INPP5A: variants seen among roughly 807,000 people sequenced by gnomAD.
INPP5A encodes the protein 43 kDa inositol polyphosphate 5-phophatase.
A neutral mutation model predicts 65.2 loss-of-function variants in INPP5A; 14 were observed. The observed-to-expected ratio is 0.21, with a 90% CI of 0.14 to 0.34. The LOEUF is 0.34. Among genes scored for constraint, INPP5A ranks in the 10% least tolerant of loss-of-function variants. The probability of loss-of-function intolerance (pLI) is 1.00; values close to 1 mark genes in which losing one functional copy is unlikely to be tolerated. For synonymous variants in INPP5A, 207 were observed against 208.3 expected (o/e 0.99, Z 0.05); for missense variants, 431 against 545.6 (o/e 0.79, Z 2.09).
intron 1 of INPP5A, among the ~76,000 whole-genome samples, chr10:132,557,914 T>C (rs945563303): frequency 7.9e-5 from 12 of 152,312 alleles, no homozygotes; most frequent in Middle Eastern, 3.4e-3. Context: ...TGAGGCCCTG[T>C]GCTCCCTCAG....
At chr10:132,645,649 G>T (rs1424136312) in intron 2 of INPP5A, among the ~76,000 whole-genome samples, 1 of 152,200 alleles carries the variant, frequency 6.6e-6, no homozygotes, top group African/African-American at 2.4e-5. Flanking sequence ...GGAATTTACA[G>T]TAATGGGAAA....
At position 132,782,052 on chromosome 10, in the gene INPP5A, G is replaced by A. The variant is rs752051973; in HGVS notation, c.*23G>A. 9.5e-6 allele frequency: 15 copies of A among 1,573,066 alleles called. No homozygotes were observed. Among genetic ancestry groups the A allele is most frequent in the Admixed American group, 9.1e-5 (5 of 54,718 alleles). On this transcript the variant is annotated 3_prime_UTR_variant, in exon 16 of 16. Transcript: ENST00000368594. The surrounding 1 kb of genome is among the most constrained non-coding windows in gnomAD (Gnocchi z 4.4). ...TCCGTGACAGGGAAGAGATGCCAGC[G>A]CCACGAGAGGACACTTCGTGAGCCT...
chr10:132,588,873 G>A (rs1240280339), intron 1 of INPP5A, among the ~76,000 whole-genome samples: 1 of 149,880 alleles, frequency 6.7e-6, no homozygotes, highest in Non-Finnish European at 1.5e-5. Flanking sequence ...TTCTGTGTGT[G>A]TTGTCATGGT....
chr10:132,748,680 GA>G (rs1846416235), intron 9 of INPP5A, among the ~76,000 whole-genome samples: 1 of 152,362 alleles, frequency 6.6e-6, no homozygotes, highest in East Asian at 1.9e-4. Flanking sequence ...CGCCAGCCAG[GA>G]CCGTGCCTCC....
At chr10:132,736,811 G>GC (rs1160165315) in intron 9 of INPP5A, among the ~76,000 whole-genome samples, 1 of 152,228 alleles carries the variant, frequency 6.6e-6, no homozygotes, top group Non-Finnish European at 1.5e-5. Context: ...CCTGGTCATG[G>GC]CCCCCCACAG....
At chr10:132,632,668 G>A (rs1590881923) in intron 2 of INPP5A, among the ~76,000 whole-genome samples, 1 of 152,170 alleles carries the variant, frequency 6.6e-6, no homozygotes, top group Non-Finnish European at 1.5e-5. Flanking sequence ...TTGGGAGCCA[G>A]GTGTGAAATG....
rs546152283 is a variant in INPP5A, at chr10:132,688,693, A to ATG, written c.307-1692_307-1691dup. 1.1e-3 allele frequency among the ~76,000 whole-genome samples: 163 copies of ATG among 150,424 alleles called. 5 individuals carry two copies. In the East Asian group the frequency reaches 0.029, roughly 26 times the overall value. ...CAAGTGTGTGCGTGTGCATGAGTGC[A>ATG]TGTGTGTGCAAGTGTGAACAAGTGC... On this transcript the variant is annotated intron_variant, in intron 4 of 15. Transcript: ENST00000368594.
chr10:132,759,268 G>T (rs1199898433), intron 11 of INPP5A, among the ~76,000 whole-genome samples: 1 of 152,132 alleles, frequency 6.6e-6, no homozygotes, highest in East Asian at 1.9e-4. Flanking sequence ...GAAGACCCCC[G>T]GGGTAGTGAG....
In INPP5A at chr10:132,690,398, G is replaced by A; in HGVS notation, c.313G>A (p.Gly105Arg). 6.2e-7 allele frequency: 1 copy of A among 1,606,366 alleles called. No individual in the cohort carries two copies. The highest frequency in any genetic ancestry group is 8.5e-7 in the Non-Finnish European group (1 of 1,173,386). The change falls in exon 5 of 16, where the codon GGA becomes AGA. Residue 105 changes from glycine to arginine, a missense_variant. Physicochemically the swap from Gly to Arg is moderately radical, Grantham distance 125. Transcript: ENST00000368594. ...TTCTCTTTTTGCTCTACAGGCACTAGGAAGCTTTTATTTTCTTCATGAGTC... is the reference window on the plus strand; with the variant it reads ...TTCTCTTTTTGCTCTACAGGCACTAAGAAGCTTTTATTTTCTTCATGAGTC... ...YKSQEHFTALGSFYFLHESLK... is the reference protein window; with the variant it reads ...YKSQEHFTALRSFYFLHESLK...
Position 132,698,701 on chromosome 10 carries a change from G to A in INPP5A, c.474+782G>A, listed in dbSNP as rs1018362659. Among the ~76,000 whole-genome samples, 3 of 152,172 alleles carry A rather than the reference G, an allele frequency of 2.0e-5. No homozygotes were observed. Among genetic ancestry groups the A allele is most frequent in the African/African-American group, 7.2e-5 (3 of 41,436 alleles). On this transcript the variant is annotated intron_variant, in intron 6 of 15. Coordinates refer to ENST00000368594, the MANE Select transcript of INPP5A (RefSeq NM_005539.5). This position sits in a 1 kb window ranked among gnomAD's most constrained non-coding sequence, Gnocchi z 5.5. Reference sequence around the variant, plus strand: ...CCAGAAGCAGCCCAGGCACTGAGACGGAAGAGCTGGCAGCTGGACGCAGGT... The same window carrying A: ...CCAGAAGCAGCCCAGGCACTGAGACAGAAGAGCTGGCAGCTGGACGCAGGT...
intron 1 of INPP5A, among the ~76,000 whole-genome samples, chr10:132,542,620 C>T (rs2070921323): frequency 6.6e-6 from 1 of 152,018 alleles, no homozygotes; most frequent in South Asian, 2.1e-4. Flanking sequence ...CTTCTCCAGG[C>T]CTCTGCCCCA....
chr10:132,700,336 G>A (rs1845417157), intron 6 of INPP5A, among the ~76,000 whole-genome samples: 1 of 152,192 alleles, frequency 6.6e-6, no homozygotes, highest in African/African-American at 2.4e-5. Context: ...GGGACGGGGG[G>A]CCAGCCCCTG....
intron 8 of INPP5A, among the ~76,000 whole-genome samples, chr10:132,723,547 G>A (rs1001563621): frequency 6.8e-6 from 1 of 147,844 alleles, no homozygotes; most frequent in Non-Finnish European, 1.5e-5. Context: ...TGGCCGTGTG[G>A]GGATTGGCCG....
At chr10:132,723,308 G>A (rs750676346) in intron 8 of INPP5A, among the ~76,000 whole-genome samples, 1 of 152,260 alleles carries the variant, frequency 6.6e-6, no homozygotes, top group African/African-American at 2.4e-5. Context: ...AGGGCCAGCC[G>A]GGAGGCCGCA....
At chr10:132,691,123 C>G (rs1273028773) in intron 5 of INPP5A, among the ~76,000 whole-genome samples, 1 of 152,232 alleles carries the variant, frequency 6.6e-6, no homozygotes, top group Non-Finnish European at 1.5e-5. Flanking sequence ...CAAACGATGT[C>G]GTTTCGTTCG....
chr10:132,635,996 A>T (rs1289373268), intron 2 of INPP5A, among the ~76,000 whole-genome samples: 1 of 151,892 alleles, frequency 6.6e-6, no homozygotes, highest in Admixed American at 6.6e-5. Flanking sequence ...AAAAAAAAAA[A>T]AAAAAGGCAT....
chr10:132,704,936 C>G lies in INPP5A; in HGVS notation c.475-3377C>G, dbSNP rs1845510370. Among the ~76,000 whole-genome samples, 1 of 144,338 alleles carries G rather than the reference C, an allele frequency of 6.9e-6. No individual in the cohort carries two copies. Among genetic ancestry groups the G allele is most frequent in the Non-Finnish European group, 1.5e-5 (1 of 65,752 alleles). 94.7% of individuals were successfully genotyped at this position (144,338 alleles called of 152,430 possible). A position where few individuals can be genotyped will look rare whatever the true frequency, so the allele number is the denominator to read the frequency against. ...TCTGGACAGGCGGCAGGCAGCTCCT[C>G]TGGAGTGTGGAGGATGGAGGAAGGG... On this transcript the variant is annotated intron_variant, in intron 6 of 15. Transcript: ENST00000368594. The surrounding 1 kb of genome is among the most constrained non-coding windows in gnomAD (Gnocchi z 4.5).
chr10:132,615,863 G>C lies in INPP5A; in HGVS notation c.117+7907G>C, dbSNP rs71503751. ...CTGGGAGGCCCCAGGCTGGGGCAAG[G>C]GGGTGTCTGCCGCTCTGGGCGGCTG... is the stretch of plus-strand genomic sequence containing the variant. On this transcript the variant is annotated intron_variant, in intron 2 of 15. Transcript: ENST00000368594. Among the ~76,000 whole-genome samples the C allele has an allele frequency of 5.3e-3, 807 of 152,156 alleles. 9 individuals carry two copies. Among genetic ancestry groups the C allele is most frequent in the African/African-American group, 0.017 (707 of 41,558 alleles).
chr10:132,782,028 C>T lies in INPP5A; in HGVS notation c.*8-9C>T, dbSNP rs1163063717. 1.2e-6 allele frequency: 2 copies of T among 1,603,118 alleles called. No homozygotes were observed. Among genetic ancestry groups the T allele is most frequent in the South Asian group, 1.1e-5 (1 of 90,004 alleles). On this transcript the variant is annotated splice_polypyrimidine_tract_variant and intron_variant, in intron 15 of 15. Coordinates refer to ENST00000368594, the MANE Select transcript of INPP5A (RefSeq NM_005539.5). The surrounding 1 kb of genome is among the most constrained non-coding windows in gnomAD (Gnocchi z 4.4). ...TTGTTCCTTTAACAAATTACGAATT[C>T]CGTGACAGGGAAGAGATGCCAGCGC... is the stretch of plus-strand genomic sequence containing the variant.
Sources: gnomAD v4.1 joint callset for allele counts (sites outside exome capture counted in the v4.1 genomes callset) on GRCh38, gnomAD v4.1.1 for gene constraint, Gnocchi (gnomAD v3.1) non-coding constraint, MANE v1.5 for transcripts, NCBI Gene and HGNC (gene_info 2026-07-23, HGNC 2026-07-21) for gene names.